Variants in PFDN4 observed in about 807,000 individuals in gnomAD.
The protein encoded by PFDN4 is prefoldin subunit 4, also known as prefoldin 4.
Under a neutral mutation model 17.6 loss-of-function variants are expected in PFDN4, and 6 were observed. The ratio of observed to expected loss-of-function variants is 0.34; its 90% confidence interval spans 0.19 to 0.67. The LOEUF is 0.67. Among genes scored for constraint, PFDN4 ranks in the 30% least tolerant of loss-of-function variants. PFDN4 has a pLI of 0.68. For missense variants in PFDN4, 119 were observed against 158.4 expected (o/e 0.75, Z 1.33); for synonymous variants, 48 against 51.1 (o/e 0.94, Z 0.26).
In PFDN4 at chr20:54,219,784, C is replaced by T. The variant is rs1386926163; in HGVS notation, c.*634C>T. The T allele has an allele frequency of 1.0e-5, 4 of 398,166 alleles. No individual in the cohort carries two copies. Among genetic ancestry groups the T allele is most frequent in the Non-Finnish European group, 1.3e-5 (3 of 225,932 alleles). The allele number at this position is 398,166 out of a possible 1,614,324, so 24.7% of individuals were successfully genotyped here. On this transcript the variant is annotated 3_prime_UTR_variant, in exon 4 of 4. Coordinates refer to ENST00000371419, the MANE Select transcript of PFDN4 (RefSeq NM_002623.4). ...GAACCACAGAAGAACGTTTTAGAAA[C>T]CAAGAGATGTGCAGAAAGAAATGTT...
intron 1 of PFDN4, 99 bp downstream of exon 1, chr20:54,208,223 C>CGGCGT (rs1423907807): frequency 6.2e-6 from 7 of 1,131,408 alleles, no homozygotes; most frequent in Non-Finnish European, 7.2e-6. Context: ...CTCCGAAGCC[C>CGGCGT]GGCGTGGGAC....
In PFDN4 at chr20:54,219,698, G is replaced by A. The variant is rs2092767266; in HGVS notation, c.*548G>A. The A allele has an allele frequency of 2.5e-6, 1 of 398,088 alleles. No individual in the cohort carries two copies. The highest frequency in any genetic ancestry group is 4.4e-6 in the Non-Finnish European group (1 of 225,912). The allele number at this position is 398,088 out of a possible 1,614,324, so 24.7% of individuals were successfully genotyped here. A position where few individuals can be genotyped will look rare whatever the true frequency, so the allele number is the denominator to read the frequency against. ...ATATCTATCAATATCAGAGATTTGG[G>A]TAAAAGAATGGGTAATGTTTAAACA... On this transcript the variant is annotated 3_prime_UTR_variant, in exon 4 of 4. Transcript: ENST00000371419.
intron 1 of PFDN4, among the ~76,000 whole-genome samples, chr20:54,212,274 A>G (rs1312008793): frequency 6.6e-6 from 1 of 152,190 alleles, no homozygotes; most frequent in Non-Finnish European, 1.5e-5. Context: ...CAGTGAGACT[A>G]AAACAGAAGC....
rs2092767532 is a variant in PFDN4, at chr20:54,219,907, T to C, written c.*757T>C. On this transcript the variant is annotated 3_prime_UTR_variant, in exon 4 of 4. Coordinates refer to ENST00000371419, the MANE Select transcript of PFDN4 (RefSeq NM_002623.4). ...GATGTGGAAGTTAAACAGCTATGTA[T>C]GTAAAAGTAAGGCTTATTTCTTAAA... is the stretch of plus-strand genomic sequence containing the variant. 2 of 390,990 alleles carry C rather than the reference T, an allele frequency of 5.1e-6. No individual in the cohort carries two copies. The highest frequency in any genetic ancestry group is 7.3e-5 in the East Asian group (2 of 27,560). 24.2% of individuals were successfully genotyped at this position (390,990 alleles called of 1,614,324 possible).
chr20:54,212,637 T>C (rs1231384209), intron 1 of PFDN4, among the ~76,000 whole-genome samples: 1 of 152,282 alleles, frequency 6.6e-6, no homozygotes, highest in Admixed American at 6.5e-5. Flanking sequence ...GATCCGTTCA[T>C]GTGAATGGCT....
Position 54,208,141 on chromosome 20 carries a change from G to C in PFDN4, c.24+17G>C. Reference sequence around the variant, plus strand: ...AAGAAGGCGGTGAGTGGGGAGCTCGGGGCTCTGGATGCTCGGGCGGCGCCG... The same window carrying C: ...AAGAAGGCGGTGAGTGGGGAGCTCGCGGCTCTGGATGCTCGGGCGGCGCCG... On this transcript the variant is annotated intron_variant, in intron 1 of 3. Coordinates refer to ENST00000371419, the MANE Select transcript of PFDN4 (RefSeq NM_002623.4). The C allele has an allele frequency of 6.5e-7, 1 of 1,547,334 alleles. No homozygotes were observed. Among genetic ancestry groups the C allele is most frequent in the Non-Finnish European group, 8.7e-7 (1 of 1,144,956 alleles).
chr20:54,212,441 G>T (rs1033788894), intron 1 of PFDN4, among the ~76,000 whole-genome samples: 1 of 152,210 alleles, frequency 6.6e-6, no homozygotes, highest in Non-Finnish European at 1.5e-5. Flanking sequence ...CCACATGTGT[G>T]CTGATGCCTG....
chr20:54,213,566 C>T (rs6097844), intron 1 of PFDN4, among the ~76,000 whole-genome samples: 1 of 152,166 alleles, frequency 6.6e-6, no homozygotes, highest in Non-Finnish European at 1.5e-5. Flanking sequence ...TAAAGTGTAC[C>T]TCAGTTTCTC....
chr20:54,215,848 C>G (rs1160610504), intron 3 of PFDN4, among the ~76,000 whole-genome samples: 2 of 152,232 alleles, frequency 1.3e-5, no homozygotes, highest in Admixed American at 6.5e-5. Flanking sequence ...CTCTGCCTCT[C>G]TCCGTGTAGT....
chr20:54,210,843 G>A (rs892028622), intron 1 of PFDN4, among the ~76,000 whole-genome samples: 1 of 152,198 alleles, frequency 6.6e-6, no homozygotes, highest in African/African-American at 2.4e-5. Flanking sequence ...ATTCATGAAA[G>A]TGGGATAGTG....
At chr20:54,211,512 A>G (rs2092755787) in intron 1 of PFDN4, among the ~76,000 whole-genome samples, 1 of 152,214 alleles carries the variant, frequency 6.6e-6, no homozygotes, top group Non-Finnish European at 1.5e-5. Context: ...TGTTCATTTT[A>G]TCAACCCTAT....
chr20:54,212,483 G>A (rs1245656768), intron 1 of PFDN4, among the ~76,000 whole-genome samples: 2 of 152,206 alleles, frequency 1.3e-5, no homozygotes, highest in East Asian at 3.8e-4. Flanking sequence ...GGAAATTCCT[G>A]CTTTGGAAAG....
rs966579783 is a variant in PFDN4 at position 54,219,413 on chromosome 20, T to C, written c.*263T>C. On this transcript the variant is annotated 3_prime_UTR_variant, in exon 4 of 4. Transcript: ENST00000371419. The stretch of plus-strand genomic sequence containing the variant: ...TGTTATTAAAATCAGTTAAGCAATC[T>C]TTTATGTTTCTATATTATTTAGAAT... 1 of 367,488 alleles carries C rather than the reference T, an allele frequency of 2.7e-6. No individual in the cohort carries two copies. The highest frequency in any genetic ancestry group is 4.1e-5 in the East Asian group (1 of 24,200). The allele number at this position is 367,488 out of a possible 1,614,324, so 22.8% of individuals were successfully genotyped here.
intron 2 of PFDN4, 99 bp from the exon 3 acceptor site, chr20:54,215,201 G>C (rs1241121896): frequency 1.3e-6 from 1 of 763,466 alleles, no homozygotes; most frequent in Non-Finnish European, 2.2e-6. Flanking sequence ...ACCTTTGTGA[G>C]AGGGTCCCTC....
intron 2 of PFDN4, among the ~76,000 whole-genome samples, chr20:54,215,019 A>T (rs1375090666): frequency 6.6e-6 from 1 of 152,218 alleles, no homozygotes; most frequent in East Asian, 1.9e-4. Context: ...GGCAGAATTC[A>T]CAAAGTCAAA....
chr20:54,209,090 G>C (rs1183228962), intron 1 of PFDN4, among the ~76,000 whole-genome samples: 1 of 152,186 alleles, frequency 6.6e-6, no homozygotes. Context: ...GAGCTTTACA[G>C]TGTGCTAGGT....
At chr20:54,216,392 A>T (rs878928999) in intron 3 of PFDN4, among the ~76,000 whole-genome samples, 2 of 152,248 alleles carry the variant, frequency 1.3e-5, no homozygotes, top group Non-Finnish European at 2.9e-5. Flanking sequence ...AAAACTTCGT[A>T]TGAATGAAAC....
At chr20:54,216,917 T>TCC (rs1248717340) in intron 3 of PFDN4, among the ~76,000 whole-genome samples, 1 of 152,162 alleles carries the variant, frequency 6.6e-6, no homozygotes, top group Non-Finnish European at 1.5e-5. Flanking sequence ...CGCCTCAGCC[T>TCC]CCCAAAGTGC....
In PFDN4 at chr20:54,219,164, C is replaced by CT. The variant is rs776975422; in HGVS notation, c.*21dup. On this transcript the variant is annotated 3_prime_UTR_variant, in exon 4 of 4. Transcript: ENST00000371419. ...GATGAAAGTTAAACATTTTATAATA[C>CT]TTTTTTTATTTGTTTAATAAACTTG... 1.1e-5 allele frequency: 15 copies of CT among 1,404,384 alleles called. No homozygotes were observed. The African/African-American group carries it at 1.2e-4, about 11-fold the overall frequency. The allele number at this position is 1,404,384 out of a possible 1,614,324, so 87.0% of individuals were successfully genotyped here.
Sources: gnomAD v4.1 joint callset for allele counts (sites outside exome capture counted in the v4.1 genomes callset) on GRCh38, gnomAD v4.1.1 for gene constraint, MANE v1.5 for transcripts, NCBI Gene and HGNC (gene_info 2026-07-23, HGNC 2026-07-21) for gene names.